Variants in ZNF831 observed in about 807,000 individuals in gnomAD.
ZNF831 encodes chromosome 20 open reading frame 174.
ZNF831 carries 59 observed loss-of-function variants against 95.8 expected under a neutral mutation model. The ratio of observed to expected loss-of-function variants is 0.62; its 90% confidence interval spans 0.50 to 0.77. The LOEUF is 0.77. Among genes scored for constraint, ZNF831 ranks in the 30% least tolerant of loss-of-function variants. ZNF831 has a pLI of 0.00. For missense variants in ZNF831, 2,205 were observed against 2,164.0 expected (o/e 1.02, Z -0.38); for synonymous variants, 961 against 925.5 (o/e 1.04, Z -0.70).
chr20:59,192,068 C>G lies in ZNF831; in HGVS notation c.1049C>G (p.Ser350Cys), dbSNP rs1983602798. The change falls in exon 2 of 6, where the codon TCC (serine) becomes TGC (cysteine). Residue 350 changes from serine (S) to cysteine (C), a missense_variant. Coordinates refer to ENST00000371030, the MANE Select transcript of ZNF831 (RefSeq NM_178457.3). This position sits in a 1 kb window ranked among gnomAD's most constrained non-coding sequence, Gnocchi z 5.2. Reference sequence around the variant, plus strand: ...ACCGACTCGGGGTACCTGTCGCGCTCCGACAGCGCGGAGCAGCCGCATGCG... The same window carrying G: ...ACCGACTCGGGGTACCTGTCGCGCTGCGACAGCGCGGAGCAGCCGCATGCG... ...ESTDSGYLSR[S>C]DSAEQPHAPC... 6.2e-7 allele frequency: 1 copy of G among 1,606,338 alleles called. No individual in the cohort carries two copies. The highest frequency in any genetic ancestry group is 8.5e-7 in the Non-Finnish European group (1 of 1,178,808).
intron 1 of ZNF831, among the ~76,000 whole-genome samples, chr20:59,140,322 TGGAGAAGA>T (rs1191253532): frequency 3.3e-5 from 5 of 152,198 alleles, no homozygotes; most frequent in African/African-American, 1.2e-4. Flanking sequence ...ATACCTGGAC[TGGAGAAGA>T]GCTAGAGTTT....
intron 1 of ZNF831, among the ~76,000 whole-genome samples, chr20:59,131,423 G>A (rs947572861): frequency 1.3e-5 from 2 of 152,192 alleles, no homozygotes; most frequent in Non-Finnish European, 2.9e-5. Flanking sequence ...CCTTGGGAGA[G>A]CTTCTCATGG....
chr20:59,148,031 A>G (rs1979973033), intron 2 of ZNF831, among the ~76,000 whole-genome samples: 1 of 152,252 alleles, frequency 6.6e-6, no homozygotes, highest in Non-Finnish European at 1.5e-5. Flanking sequence ...TGACTACATC[A>G]TGGACCCTAA....
At chr20:59,225,173 A>C (rs1986350661) in intron 4 of ZNF831, among the ~76,000 whole-genome samples, 1 of 152,148 alleles carries the variant, frequency 6.6e-6, no homozygotes, top group Non-Finnish European at 1.5e-5. Context: ...TTTTTTGGTC[A>C]ATTTTAAGTA....
chr20:59,187,272 G>C (rs983828028), intron 1 of ZNF831, among the ~76,000 whole-genome samples: 1 of 152,160 alleles, frequency 6.6e-6, no homozygotes, highest in Non-Finnish European at 1.5e-5. Context: ...GATGGTATTA[G>C]GAGGTGGGTC....
intron 2 of ZNF831, among the ~76,000 whole-genome samples, chr20:59,156,126 C>A (rs1027845229): frequency 1.3e-5 from 2 of 152,204 alleles, no homozygotes; most frequent in African/African-American, 2.4e-5. Flanking sequence ...ACCTGTGAGA[C>A]CATCAGCACC....
In ZNF831 at chr20:59,254,620, A is replaced by C; in HGVS notation, c.4911A>C (p.Glu1637Asp). The change falls in exon 6 of 6, where the codon GAA becomes GAC. Residue 1637 changes from glutamate (E) to aspartate (D), a missense_variant. Transcript: ENST00000371030. This position sits in a 1 kb window ranked among gnomAD's most constrained non-coding sequence, Gnocchi z 4.5. ...VVPSKPEQPI[E>D]IPEAPSKSLK... Reference sequence around the variant, plus strand: ...CTTCTAAGCCAGAGCAGCCCATAGAAATTCCTGAAGCCCCTTCTAAATCCC... The same window carrying C: ...CTTCTAAGCCAGAGCAGCCCATAGACATTCCTGAAGCCCCTTCTAAATCCC... The C allele has an allele frequency of 6.2e-7, 1 of 1,614,078 alleles. No homozygotes were observed.
intron 4 of ZNF831, among the ~76,000 whole-genome samples, chr20:59,220,157 A>T (rs1318823974): frequency 6.6e-6 from 1 of 152,200 alleles, no homozygotes. Flanking sequence ...CCACAAATGA[A>T]TCCTGAGTTT....
intron 4 of ZNF831, among the ~76,000 whole-genome samples, chr20:59,237,367 G>A (rs1987055851): frequency 6.6e-6 from 1 of 152,078 alleles, no homozygotes; most frequent in African/African-American, 2.4e-5. Context: ...TTTATTTTGA[G>A]ACAGGGTCTC....
At chr20:59,177,345 T>G (rs1347098936) in intron 1 of ZNF831, among the ~76,000 whole-genome samples, 1 of 152,200 alleles carries the variant, frequency 6.6e-6, no homozygotes, top group Non-Finnish European at 1.5e-5. Flanking sequence ...AAAAAAATAT[T>G]GTTGAGCAGG....
chr20:59,168,700 G>T (rs921917978), intron 1 of ZNF831, among the ~76,000 whole-genome samples: 2 of 151,950 alleles, frequency 1.3e-5, no homozygotes, highest in African/African-American at 2.4e-5. Context: ...GTTTTTCACC[G>T]TTAAGTATAA....
At chr20:59,127,528 G>A (rs561913985) in intron 1 of ZNF831, among the ~76,000 whole-genome samples, 122 of 152,262 alleles carry the variant, frequency 8.0e-4, no homozygotes, top group African/African-American at 2.9e-3. Context: ...CCACAAATGC[G>A]TGTTTCAGCC....
intron 2 of ZNF831, among the ~76,000 whole-genome samples, chr20:59,148,216 A>C (rs937193146): frequency 6.6e-6 from 1 of 152,142 alleles, no homozygotes; most frequent in Non-Finnish European, 1.5e-5. Context: ...AGGGACACGG[A>C]CAATCTCATC....
intron 1 of ZNF831, among the ~76,000 whole-genome samples, chr20:59,135,761 GATGGTGCATGCCTGTGATCCC>G (rs1979490817): frequency 6.6e-6 from 1 of 152,150 alleles, no homozygotes; most frequent in Admixed American, 6.5e-5. Context: ...ATCCAGGCAT[GATGGTGCATGCCTGTGATCCC>G]AGTTATTAGG....
chr20:59,177,330 A>C (rs1443582007), intron 1 of ZNF831, among the ~76,000 whole-genome samples: 1 of 152,228 alleles, frequency 6.6e-6, no homozygotes, highest in Non-Finnish European at 1.5e-5. Flanking sequence ...GCCCAGAAAG[A>C]ATTTAAAAAA....
At chr20:59,243,219 T>G (rs1035373094) in intron 4 of ZNF831, among the ~76,000 whole-genome samples, 1 of 152,148 alleles carries the variant, frequency 6.6e-6, no homozygotes, top group African/African-American at 2.4e-5. Context: ...TTTAACTGGA[T>G]TTTTTTCCCC....
intron 4 of ZNF831, among the ~76,000 whole-genome samples, chr20:59,246,243 T>G (rs1385983961): frequency 1.3e-5 from 2 of 152,212 alleles, no homozygotes; most frequent in Non-Finnish European, 1.5e-5. Flanking sequence ...CTGACAGGAC[T>G]TCCGACATCT....
chr20:59,143,600 C>A (rs1568723613), intron 1 of ZNF831, among the ~76,000 whole-genome samples: 7 of 152,242 alleles, frequency 4.6e-5, no homozygotes, highest in Admixed American at 3.9e-4. Context: ...GAAGAAAAAA[C>A]CATGTCCTGG....
At chr20:59,147,240 T>C (rs1979918039) in intron 2 of ZNF831, among the ~76,000 whole-genome samples, 1 of 152,244 alleles carries the variant, frequency 6.6e-6, no homozygotes, top group African/African-American at 2.4e-5. Flanking sequence ...AGATCTATTT[T>C]TAGTTTCCAA....
Sources: allele counts gnomAD v4.1 joint callset (sites outside exome capture counted in the v4.1 genomes callset), GRCh38; gene constraint gnomAD v4.1.1; non-coding constraint Gnocchi (gnomAD v3.1); transcripts MANE v1.5; gene names NCBI Gene and HGNC (gene_info 2026-07-23, HGNC 2026-07-21).